Variants in EBF1 observed in about 807,000 individuals in gnomAD.
The protein encoded by EBF1 is EBF transcription factor 1, also known as transcription factor COE1.
A neutral mutation model predicts 68.4 loss-of-function variants in EBF1; 10 were observed. The observed-to-expected ratio is 0.15, with a 90% CI of 0.09 to 0.25. The LOEUF is 0.25. Among genes scored for constraint, EBF1 ranks in the 10% least tolerant of loss-of-function variants. The pLI, the probability that EBF1 is intolerant of heterozygous loss-of-function variation, is 1.00. For synonymous variants in EBF1, 298 were observed against 299.8 expected (o/e 0.99, Z 0.06); for missense variants, 509 against 794.4 (o/e 0.64, Z 4.32).
intron 6 of EBF1, among the ~76,000 whole-genome samples, chr5:158,963,748 T>C (rs1214448818): frequency 6.6e-6 from 1 of 152,218 alleles, no homozygotes; most frequent in African/African-American, 2.4e-5. Flanking sequence ...CAGTATATAA[T>C]GGAATATCTA....
At chr5:158,803,827 G>T (rs1781068255) in intron 8 of EBF1, among the ~76,000 whole-genome samples, 1 of 150,776 alleles carries the variant, frequency 6.6e-6, no homozygotes, top group Admixed American at 6.6e-5. Context: ...GCATTTTATT[G>T]TTTATTAGGG....
At chr5:158,895,470 T>C (rs1801991954) in intron 6 of EBF1, among the ~76,000 whole-genome samples, 2 of 152,198 alleles carry the variant, frequency 1.3e-5, no homozygotes, top group Admixed American at 1.3e-4. Flanking sequence ...TTACTATACG[T>C]CCTAAGCATT....
chr5:158,709,347 G>A (rs1050145161), intron 14 of EBF1, among the ~76,000 whole-genome samples: 4 of 150,694 alleles, frequency 2.7e-5, no homozygotes, highest in South Asian at 2.1e-4. Flanking sequence ...TTTTACAACC[G>A]AGGAAGTGAA....
intron 6 of EBF1, among the ~76,000 whole-genome samples, chr5:158,855,692 A>C (rs1793854615): frequency 6.6e-6 from 1 of 152,206 alleles, no homozygotes; most frequent in African/African-American, 2.4e-5. Context: ...AATATTTGCT[A>C]AGTGAATGAG....
At chr5:159,008,852 T>C (rs1013193293) in intron 6 of EBF1, among the ~76,000 whole-genome samples, 6 of 152,180 alleles carry the variant, frequency 3.9e-5, no homozygotes, top group Admixed American at 3.9e-4. Flanking sequence ...ATTTTCATAT[T>C]TTCCAAGTCC....
chr5:159,099,413 G>C lies in EBF1; in HGVS notation c.66C>G (p.Ser22Arg). The C allele has an allele frequency of 6.2e-7, 1 of 1,601,218 alleles. No homozygotes were observed. Among genetic ancestry groups the C allele is most frequent in the Non-Finnish European group, 8.5e-7 (1 of 1,173,966 alleles). Residue 22 changes from serine (S) to arginine (R), a missense_variant, in exon 1 of 16, where the codon AGC becomes AGG. By Grantham distance (110) the Ser-to-Arg change is moderately radical. Coordinates refer to ENST00000313708, the MANE Select transcript of EBF1 (RefSeq NM_024007.5). ...GSSMKEEPLG[S>R]GMNAVRTWMQ... is the part of the protein sequence containing the mutation. ...TCCACGTCCGCACCGCGTTCATGCC[G>C]CTGCCCAGCGGCTCTTCCTTCATGC...
intron 10 of EBF1, among the ~76,000 whole-genome samples, chr5:158,773,755 A>G (rs553149642): frequency 6.6e-6 from 1 of 152,308 alleles, no homozygotes; most frequent in South Asian, 2.1e-4. Flanking sequence ...AGAGTCTTTT[A>G]TTAGCTTCCA....
chr5:158,901,833 G>A (rs1051855028), intron 6 of EBF1, among the ~76,000 whole-genome samples: 1 of 152,224 alleles, frequency 6.6e-6, no homozygotes, highest in Admixed American at 6.5e-5. Flanking sequence ...GCTCACGCCT[G>A]TAATACCAGC....
chr5:159,081,833 A>G (rs2127974448), intron 5 of EBF1, among the ~76,000 whole-genome samples: 1 of 152,316 alleles, frequency 6.6e-6, no homozygotes, highest in South Asian at 2.1e-4. Context: ...TTAGAAAATC[A>G]TGTGTGGGGC....
chr5:158,939,648 G>T (rs1213713273), intron 6 of EBF1, among the ~76,000 whole-genome samples: 1 of 150,000 alleles, frequency 6.7e-6, no homozygotes, highest in Non-Finnish European at 1.5e-5. Context: ...GTGGAATGTG[G>T]ACATCTGCAC....
chr5:158,886,504 C>T (rs975791943), intron 6 of EBF1, among the ~76,000 whole-genome samples: 2 of 152,170 alleles, frequency 1.3e-5, no homozygotes, highest in African/African-American at 4.8e-5. Flanking sequence ...GTTTTCACCG[C>T]ATGGAACTCC....
chr5:159,074,900 C>T (rs1041817748), intron 5 of EBF1, among the ~76,000 whole-genome samples: 3 of 151,490 alleles, frequency 2.0e-5, no homozygotes, highest in Admixed American at 2.0e-4. Flanking sequence ...ACCAAAGTAT[C>T]ATGATATCTA....
chr5:158,880,092 G>A (rs1002369008), intron 6 of EBF1, among the ~76,000 whole-genome samples: 2 of 152,166 alleles, frequency 1.3e-5, no homozygotes, highest in Non-Finnish European at 2.9e-5. Flanking sequence ...TTTTTGCCTT[G>A]TGCACTTCGC....
At chr5:158,731,828 C>T (rs1007326814) in intron 10 of EBF1, among the ~76,000 whole-genome samples, 4 of 152,086 alleles carry the variant, frequency 2.6e-5, no homozygotes, top group East Asian at 1.9e-4. Context: ...TTAGAGCAGC[C>T]GAGTCTCCAA....
chr5:158,806,497 G>A (rs1781619212), intron 8 of EBF1, among the ~76,000 whole-genome samples: 1 of 152,048 alleles, frequency 6.6e-6, no homozygotes, highest in Non-Finnish European at 1.5e-5. Context: ...CCTGGCTCTT[G>A]GCTCTATGCT....
chr5:158,989,308 C>T (rs920118361), intron 6 of EBF1, among the ~76,000 whole-genome samples: 1 of 152,204 alleles, frequency 6.6e-6, no homozygotes, highest in African/African-American at 2.4e-5. Flanking sequence ...TAGTTTTTAA[C>T]ACAATGCACA....
chr5:159,010,695 T>G (rs2127678354), intron 6 of EBF1, among the ~76,000 whole-genome samples: 1 of 152,364 alleles, frequency 6.6e-6, no homozygotes, highest in East Asian at 1.9e-4. Context: ...CCTGCCTGAT[T>G]TATCTGACAC....
intron 6 of EBF1, among the ~76,000 whole-genome samples, chr5:158,902,618 TATC>T (rs1452021977): frequency 2.0e-5 from 3 of 147,704 alleles, no homozygotes; most frequent in African/African-American, 5.0e-5. Context: ...TTATTATTAT[TATC>T]ATTATTATTA....
At chr5:159,077,354 G>A (rs538318189) in intron 5 of EBF1, among the ~76,000 whole-genome samples, 31 of 152,270 alleles carry the variant, frequency 2.0e-4, no homozygotes, top group African/African-American at 7.0e-4. Flanking sequence ...CAGGAGAATC[G>A]GTTGAACCCG....
Sources: allele counts gnomAD v4.1 joint callset (sites outside exome capture counted in the v4.1 genomes callset), GRCh38; gene constraint gnomAD v4.1.1; transcripts MANE v1.5; gene names NCBI Gene and HGNC (gene_info 2026-07-23, HGNC 2026-07-21).